Variants in GATAD2A observed in about 807,000 individuals in gnomAD.
GATAD2A encodes GATA zinc finger domain containing 2A, also known as transcriptional repressor p66-alpha.
A neutral mutation model predicts 68.5 loss-of-function variants in GATAD2A; 12 were observed. That is an observed-to-expected ratio of 0.18 (90% confidence interval 0.11 to 0.28). GATAD2A has a LOEUF of 0.28. GATAD2A is among the 10% of genes least tolerant of loss of function. The pLI, the probability that GATAD2A is intolerant of heterozygous loss-of-function variation, is 1.00. For synonymous variants in GATAD2A, 410 were observed against 375.3 expected (o/e 1.09, Z -1.07); for missense variants, 755 against 868.5 (o/e 0.87, Z 1.64).
At chr19:19,471,427 G>T (rs2058302493) in intron 2 of GATAD2A, among the ~76,000 whole-genome samples, 1 of 148,796 alleles carries the variant, frequency 6.7e-6, no homozygotes, top group Admixed American at 6.6e-5. Context: ...GGGACTACTT[G>T]TTGTATAGTT....
chr19:19,428,658 T>C (rs576327245), intron 1 of GATAD2A, among the ~76,000 whole-genome samples: 216 of 151,924 alleles, frequency 1.4e-3, no homozygotes, highest in African/African-American at 4.9e-3. Context: ...GGTGCTGGAG[T>C]CTGAGCTTAC....
intron 9 of GATAD2A, 112 bp from the exon 10 acceptor site, chr19:19,501,857 C>G: frequency 1.3e-6 from 1 of 761,168 alleles, no homozygotes; most frequent in Admixed American, 2.6e-5. Flanking sequence ...AAGATCCCCA[C>G]TTGGCGCCTA....
intron 1 of GATAD2A, among the ~76,000 whole-genome samples, chr19:19,428,699 A>G (rs1036648486): frequency 5.3e-5 from 8 of 152,086 alleles, no homozygotes; most frequent in African/African-American, 1.7e-4. Context: ...CCGCATGAGA[A>G]CTGTGAATGG....
At position 19,453,973 on chromosome 19, in the gene GATAD2A, G is replaced by GTTT. The variant is rs545327856; in HGVS notation, c.-6-11356_-6-11354dup. Among the ~76,000 whole-genome samples, 47 of 132,332 alleles carry GTTT rather than the reference G, an allele frequency of 3.6e-4. No individual in the cohort carries two copies. The South Asian group carries it at 5.5e-3, about 15-fold the overall frequency. The allele number at this position is 132,332 out of a possible 152,430, so 86.8% of individuals were successfully genotyped here. On this transcript the variant is annotated intron_variant, in intron 1 of 11. Coordinates refer to ENST00000683918, the MANE Select transcript of GATAD2A (RefSeq NM_001384528.1). ...CACCACACCTGGCCAAATTTTTTGT[G>GTTT]TTTTTTTTTTTTTGTTTATTTTTTG...
At chr19:19,478,628 C>G (rs142921360) in intron 2 of GATAD2A, among the ~76,000 whole-genome samples, 3 of 151,576 alleles carry the variant, frequency 2.0e-5, no homozygotes, top group Non-Finnish European at 4.4e-5. Context: ...GCCTGGGCAA[C>G]ATAGCAAAAG....
At chr19:19,422,797 C>T (rs1055049797) in intron 1 of GATAD2A, among the ~76,000 whole-genome samples, 3 of 151,514 alleles carry the variant, frequency 2.0e-5, no homozygotes, top group Non-Finnish European at 2.9e-5. Flanking sequence ...CTGCAAGCTC[C>T]GCCTCCCGGG....
intron 1 of GATAD2A, among the ~76,000 whole-genome samples, chr19:19,421,100 A>G (rs1364748098): frequency 6.6e-6 from 1 of 152,172 alleles, no homozygotes. Context: ...CCCGACGGAC[A>G]ATGGGGGAGG....
In GATAD2A at chr19:19,507,645, C is replaced by A. The variant is rs2060922628; in HGVS notation, c.*2171C>A. On this transcript the variant is annotated 3_prime_UTR_variant, in exon 12 of 12. Coordinates refer to ENST00000683918, the MANE Select transcript of GATAD2A (RefSeq NM_001384528.1). ...TTCCTCCAGGGCTGATGGCTGTCAA[C>A]CCATCCTTGTGAGTTCATATGGACT... is the stretch of plus-strand genomic sequence containing the variant. 1 of 152,346 alleles carries A rather than the reference C, an allele frequency of 6.6e-6. No homozygotes were observed. Among genetic ancestry groups the A allele is most frequent in the African/African-American group, 2.4e-5 (1 of 41,460 alleles). The allele number at this position is 152,346 out of a possible 1,614,324, so 9.4% of individuals were successfully genotyped here.
Position 19,492,331 on chromosome 19 carries a change from C to T in GATAD2A, c.295C>T (p.Pro99Ser), listed in dbSNP as rs754091932. The change falls in exon 3 of 12, where the codon CCC becomes TCC. Residue 99 changes from proline to serine, a missense_variant. Pro to Ser is a moderately conservative substitution (Grantham distance 74). Coordinates refer to ENST00000683918, the MANE Select transcript of GATAD2A (RefSeq NM_001384528.1). ...TGACATGAAGTCCGAGAGGAGACCC[C>T]CCTCACCTGACGTGATTGTGCTCTC... ...HSDMKSERRP[P>S]SPDVIVLSDN... The T allele has an allele frequency of 1.2e-6, 2 of 1,607,588 alleles. No individual in the cohort carries two copies. Among genetic ancestry groups the T allele is most frequent in the African/African-American group, 1.3e-5 (1 of 74,936 alleles).
At chr19:19,475,488 C>CG (rs948212785) in intron 2 of GATAD2A, among the ~76,000 whole-genome samples, 8 of 42,768 alleles carry the variant, frequency 1.9e-4, no homozygotes, top group East Asian at 0.013. Context: ...TGGAGCCCCC[C>CG]CCCCTCCACT....
chr19:19,493,181 C>T (rs868560732), intron 4 of GATAD2A, among the ~76,000 whole-genome samples: 79 of 152,178 alleles, frequency 5.2e-4, no homozygotes, highest in African/African-American at 1.8e-3. Flanking sequence ...CCTCGTGATC[C>T]GCCCACACGG....
intron 1 of GATAD2A, among the ~76,000 whole-genome samples, chr19:19,453,992 T>C (rs1283403681): frequency 6.8e-6 from 1 of 146,130 alleles, no homozygotes; most frequent in African/African-American, 2.5e-5. Flanking sequence ...TTTTTGTTTA[T>C]TTTTTGTTTT....
chr19:19,418,199 G>A (rs980917940), intron 1 of GATAD2A, among the ~76,000 whole-genome samples: 2 of 152,130 alleles, frequency 1.3e-5, no homozygotes, highest in African/African-American at 2.4e-5. Context: ...GATGCAGTGG[G>A]TGAGGTGTGG....
At chr19:19,437,033 T>A (rs1291266072) in intron 1 of GATAD2A, among the ~76,000 whole-genome samples, 1 of 152,218 alleles carries the variant, frequency 6.6e-6, no homozygotes, top group Non-Finnish European at 1.5e-5. Flanking sequence ...GCTCTTCATA[T>A]GGCAAGAAAA....
At chr19:19,432,069 G>A (rs918752723) in intron 1 of GATAD2A, among the ~76,000 whole-genome samples, 5 of 152,028 alleles carry the variant, frequency 3.3e-5, no homozygotes, top group African/African-American at 1.2e-4. Flanking sequence ...TCCATCTCCC[G>A]GGTTCAAGTG....
intron 1 of GATAD2A, among the ~76,000 whole-genome samples, chr19:19,450,619 T>A (rs1354479214): frequency 2.0e-5 from 3 of 151,612 alleles, no homozygotes; most frequent in Non-Finnish European, 4.4e-5. Context: ...TAGGGGGCGG[T>A]CAGGATCCCC....
chr19:19,443,624 C>G (rs1327530080), intron 1 of GATAD2A, among the ~76,000 whole-genome samples: 1 of 152,058 alleles, frequency 6.6e-6, no homozygotes, highest in Admixed American at 6.5e-5. Flanking sequence ...GTGGAGGACA[C>G]GAGGGTGGTC....
intron 1 of GATAD2A, among the ~76,000 whole-genome samples, chr19:19,459,912 A>G (rs549773564): frequency 6.6e-6 from 1 of 152,358 alleles, no homozygotes; most frequent in South Asian, 2.1e-4. Flanking sequence ...GAAGTTTGAC[A>G]TTGAGAAGTC....
chr19:19,412,633 G>C (rs180977918), intron 1 of GATAD2A, among the ~76,000 whole-genome samples: 5 of 151,436 alleles, frequency 3.3e-5, no homozygotes, highest in East Asian at 2.0e-4. Flanking sequence ...CTCTGTCTGC[G>C]GGGGGGATAA....
Sources: gnomAD v4.1 joint callset for allele counts (sites outside exome capture counted in the v4.1 genomes callset) on GRCh38, gnomAD v4.1.1 for gene constraint, MANE v1.5 for transcripts, NCBI Gene and HGNC (gene_info 2026-07-23, HGNC 2026-07-21) for gene names.